Variants in PDE4D observed in about 807,000 individuals in gnomAD.
The protein encoded by PDE4D is 3',5'-cyclic-AMP phosphodiesterase 4D.
Under a neutral mutation model 87.4 loss-of-function variants are expected in PDE4D, and 24 were observed. The observed-to-expected ratio is 0.27, with a 90% CI of 0.20 to 0.39. The LOEUF (loss-of-function observed/expected upper bound fraction) is 0.39. PDE4D is among the 10% of genes least tolerant of loss of function. The pLI, the probability that PDE4D is intolerant of heterozygous loss-of-function variation, is 1.00. For synonymous variants in PDE4D, 384 were observed against 383.2 expected (o/e 1.00, Z -0.02); for missense variants, 714 against 1,041.0 (o/e 0.69, Z 4.32).
intron 1 of PDE4D, among the ~76,000 whole-genome samples, chr5:59,423,146 C>T (rs1384299283): frequency 6.6e-6 from 1 of 152,164 alleles, no homozygotes; most frequent in African/African-American, 2.4e-5. Context: ...ACACTTCAGA[C>T]ACCTTATCCT....
intron 5 of PDE4D, among the ~76,000 whole-genome samples, chr5:59,171,733 C>T (rs1444547168): frequency 1.4e-5 from 2 of 146,968 alleles, no homozygotes; most frequent in African/African-American, 5.1e-5. Flanking sequence ...TATCAGGGAG[C>T]ATTTCCTAGG....
chr5:59,490,955 C>T (rs1313858039), intron 1 of PDE4D, among the ~76,000 whole-genome samples: 4 of 151,992 alleles, frequency 2.6e-5, no homozygotes, highest in Admixed American at 1.3e-4. Flanking sequence ...CACGTATAGA[C>T]GATCAAATCT....
chr5:60,128,820 A>G (rs1414733751), intron 2 of PDE4D, among the ~76,000 whole-genome samples: 2 of 152,194 alleles, frequency 1.3e-5, no homozygotes, highest in East Asian at 1.9e-4. Context: ...CCATATTTCT[A>G]TGATACAGAC....
intron 11 of PDE4D, among the ~76,000 whole-genome samples, chr5:58,986,019 AAC>A (rs10562385): frequency 0.028 from 4,201 of 152,336 alleles, 186 homozygotes; most frequent in African/African-American, 0.095. Context: ...CCTCAGGAAT[AAC>A]ACAGCCTCAT....
At chr5:59,926,723 A>G (rs900477952) in intron 3 of PDE4D, among the ~76,000 whole-genome samples, 1 of 152,206 alleles carries the variant, frequency 6.6e-6, no homozygotes, top group Admixed American at 6.5e-5. Flanking sequence ...AATTAGAAGT[A>G]TCATTAGAGG....
At chr5:60,418,858 C>G (rs1353620291) in intron 1 of PDE4D, among the ~76,000 whole-genome samples, 2 of 152,046 alleles carry the variant, frequency 1.3e-5, no homozygotes, top group Admixed American at 1.3e-4. Flanking sequence ...AACCATCCCC[C>G]TCCCCCTTAG....
intron 1 of PDE4D, among the ~76,000 whole-genome samples, chr5:60,323,247 G>T (rs1460270923): frequency 1.3e-5 from 2 of 152,112 alleles, no homozygotes; most frequent in Non-Finnish European, 2.9e-5. Context: ...TCTACTTGAT[G>T]TTTCTTTTCT....
At chr5:59,153,120 A>G (rs1268968801) in intron 5 of PDE4D, among the ~76,000 whole-genome samples, 1 of 152,120 alleles carries the variant, frequency 6.6e-6, no homozygotes, top group African/African-American at 2.4e-5. Flanking sequence ...ATTCATCACA[A>G]CAACTCTCTG....
At chr5:60,260,582 C>G (rs1749546692) in intron 1 of PDE4D, among the ~76,000 whole-genome samples, 1 of 151,948 alleles carries the variant, frequency 6.6e-6, no homozygotes, top group African/African-American at 2.4e-5. Flanking sequence ...GAAGACCAAC[C>G]AGTCACAATT....
chr5:60,112,283 A>G (rs1022381281), intron 2 of PDE4D, among the ~76,000 whole-genome samples: 18 of 152,152 alleles, frequency 1.2e-4, no homozygotes, highest in Admixed American at 3.9e-4. Flanking sequence ...CACCAACAAA[A>G]CTAAATGCTT....
chr5:60,308,317 T>C (rs1179253960), intron 1 of PDE4D, among the ~76,000 whole-genome samples: 1 of 152,240 alleles, frequency 6.6e-6, no homozygotes, highest in African/African-American at 2.4e-5. Flanking sequence ...GTATAATCTT[T>C]TGCAAAACTG....
chr5:59,943,171 G>C (rs1561891006), intron 3 of PDE4D, among the ~76,000 whole-genome samples: 1 of 150,986 alleles, frequency 6.6e-6, no homozygotes, highest in South Asian at 2.1e-4. Flanking sequence ...AGAAGAGAAA[G>C]GTGTAATTTT....
intron 5 of PDE4D, among the ~76,000 whole-genome samples, chr5:59,064,356 T>C (rs564386401): frequency 6.6e-6 from 1 of 152,274 alleles, no homozygotes; most frequent in East Asian, 1.9e-4. Flanking sequence ...CTTGGTACTC[T>C]TTCAGGTGAG....
intron 1 of PDE4D, among the ~76,000 whole-genome samples, chr5:59,746,138 A>T (rs1759573937): frequency 6.6e-6 from 1 of 152,180 alleles, no homozygotes; most frequent in South Asian, 2.1e-4. Flanking sequence ...TAGGCTGAAC[A>T]TCATATTCAA....
intron 1 of PDE4D, among the ~76,000 whole-genome samples, chr5:59,564,048 G>A (rs1820491438): frequency 6.6e-6 from 1 of 152,144 alleles, no homozygotes; most frequent in South Asian, 2.1e-4. Context: ...GCTTCAGAGG[G>A]GCTTGGGTTC....
chr5:60,151,222 G>C (rs1781473110), intron 2 of PDE4D, among the ~76,000 whole-genome samples: 1 of 152,126 alleles, frequency 6.6e-6, no homozygotes, highest in Non-Finnish European at 1.5e-5. Flanking sequence ...TCTTTTAGAA[G>C]CAACTTTACA....
At chr5:59,317,606 C>T (rs1369246744) in intron 1 of PDE4D, among the ~76,000 whole-genome samples, 1 of 152,082 alleles carries the variant, frequency 6.6e-6, no homozygotes, top group Non-Finnish European at 1.5e-5. Flanking sequence ...TTTCTCTATT[C>T]ATAAACAACT....
intron 1 of PDE4D, among the ~76,000 whole-genome samples, chr5:60,434,683 T>C (rs1309534051): frequency 6.6e-6 from 1 of 152,168 alleles, no homozygotes; most frequent in East Asian, 1.9e-4. Flanking sequence ...GGTTTTTAGT[T>C]GTAGAATCTG....
intron 2 of PDE4D, among the ~76,000 whole-genome samples, chr5:60,090,047 C>A (rs1041728379): frequency 2.6e-5 from 4 of 151,978 alleles, no homozygotes; most frequent in African/African-American, 9.7e-5. Flanking sequence ...TAAAGGAAAG[C>A]CCAGGATCTG....
Sources: gnomAD v4.1 joint callset for allele counts (sites outside exome capture counted in the v4.1 genomes callset) on GRCh38, gnomAD v4.1.1 for gene constraint, MANE v1.5 for transcripts, NCBI Gene and HGNC (gene_info 2026-07-23, HGNC 2026-07-21) for gene names.